The following TNRC6B variants were observed in gnomAD, a reference collection of about 807,000 sequenced individuals.
The protein encoded by TNRC6B is trinucleotide repeat containing adaptor 6B.
TNRC6B carries 52 observed loss-of-function variants against 203.6 expected under a neutral mutation model. The ratio of observed to expected loss-of-function variants is 0.26; its 90% CI spans 0.20 to 0.32. TNRC6B has a LOEUF of 0.32. TNRC6B is among the 10% of genes least tolerant of loss of function. TNRC6B has a pLI of 1.00. For missense variants in TNRC6B, 1,923 were observed against 2,286.2 expected (o/e 0.84, Z 3.24); for synonymous variants, 838 against 845.7 (o/e 0.99, Z 0.16).
Position 40,266,747 on chromosome 22 carries a change from G to T in TNRC6B, c.2517G>T (p.Ser839=). The T allele has an allele frequency of 6.2e-7, 1 of 1,613,860 alleles. No homozygotes were observed. ...PPPPQPEASG[S]WGGPPPPPPG... ...CACCACAACCAGAGGCTTCTGGTTC[G>T]TGGGGAGGCCCACCCCCACCACCTC... The change falls in exon 5 of 23, where the codon TCG becomes TCT. Residue 839 remains serine (S), a synonymous_variant. Coordinates refer to ENST00000454349, the MANE Select transcript of TNRC6B (RefSeq NM_001162501.2).
intron 4 of TNRC6B, among the ~76,000 whole-genome samples, chr22:40,159,828 T>G (rs2068856007): frequency 6.6e-6 from 1 of 152,126 alleles, no homozygotes; most frequent in Non-Finnish European, 1.5e-5. Flanking sequence ...TTCTTTTTTT[T>G]TGAGACAAGG....
At chr22:40,174,300 C>G (rs2069034671), upstream of TNRC6B, among the ~76,000 whole-genome samples, 1 of 152,032 alleles carries the variant, frequency 6.6e-6, no homozygotes, top group African/African-American at 2.4e-5. Flanking sequence ...GAGCCTCAGC[C>G]TGCTGAGTAG....
chr22:40,273,651 A>C, intron 7 of TNRC6B, 51 bp downstream of exon 7: 1 of 1,485,992 alleles, frequency 6.7e-7, no homozygotes, highest in Non-Finnish European at 9.0e-7. Context: ...GAGAAGGCAG[A>C]ACTGAGGTTT....
chr22:40,254,454 A>G (rs2070238938), intron 3 of TNRC6B, among the ~76,000 whole-genome samples: 1 of 152,166 alleles, frequency 6.6e-6, no homozygotes, highest in Admixed American at 6.6e-5. Context: ...CAGGAGTTCA[A>G]GGCTGCAGTG....
intron 4 of TNRC6B, among the ~76,000 whole-genome samples, chr22:40,264,141 G>A (rs1475581069): frequency 1.3e-5 from 2 of 152,232 alleles, no homozygotes; most frequent in East Asian, 1.9e-4. Context: ...GAAGGCACAA[G>A]TTGTGGAATG....
upstream of TNRC6B, among the ~76,000 whole-genome samples, chr22:40,176,379 G>T (rs1254813571): frequency 6.6e-6 from 1 of 151,924 alleles, no homozygotes; most frequent in African/African-American, 2.4e-5. Flanking sequence ...TGCCTGCCTC[G>T]GCCTCCCAAA....
intron 1 of TNRC6B, among the ~76,000 whole-genome samples, chr22:40,098,911 ATG>A (rs1468953260): frequency 6.6e-6 from 1 of 151,756 alleles, no homozygotes; most frequent in African/African-American, 2.4e-5. Context: ...TTTTAAATTG[ATG>A]TGTTTGATTT....
chr22:40,189,044 A>G (rs1045543424), intron 1 of TNRC6B, among the ~76,000 whole-genome samples: 1 of 152,144 alleles, frequency 6.6e-6, no homozygotes, highest in African/African-American at 2.4e-5. Flanking sequence ...AGAATCATTT[A>G]TCAGTCCCAC....
At chr22:40,175,969 T>C (rs1042964498), upstream of TNRC6B, among the ~76,000 whole-genome samples, 1 of 152,156 alleles carries the variant, frequency 6.6e-6, no homozygotes, top group African/African-American at 2.4e-5. Flanking sequence ...CATTCGTAGG[T>C]TCCTTTTCAA....
At chr22:40,257,414 T>C (rs1291217335) in intron 3 of TNRC6B, among the ~76,000 whole-genome samples, 1 of 152,108 alleles carries the variant, frequency 6.6e-6, no homozygotes, top group Non-Finnish European at 1.5e-5. Flanking sequence ...CGTAAATGGT[T>C]CTTAAAAGAA....
chr22:40,176,741 G>C (rs771380244), upstream of TNRC6B, among the ~76,000 whole-genome samples: 2 of 152,174 alleles, frequency 1.3e-5, no homozygotes, highest in Non-Finnish European at 2.9e-5. Context: ...TTGCAATTAT[G>C]ACCATTGCTC....
chr22:40,249,030 G>A (rs530623559), intron 2 of TNRC6B, among the ~76,000 whole-genome samples: 2 of 152,294 alleles, frequency 1.3e-5, no homozygotes, highest in East Asian at 1.9e-4. Context: ...GCAAAGAATC[G>A]TGGAGAACGT....
intron 3 of TNRC6B, among the ~76,000 whole-genome samples, chr22:40,141,634 C>G (rs1004246406): frequency 7.2e-5 from 11 of 152,136 alleles, no homozygotes; most frequent in African/African-American, 2.7e-4. Flanking sequence ...TAAAAATTCA[C>G]TGGTTCTCCC....
At position 40,264,915 on chromosome 22, in the gene TNRC6B, A is replaced by G; in HGVS notation, c.685A>G (p.Ser229Gly). ...NSASNPGSEK[S>G]TLPGSTTSNK... The stretch of plus-strand genomic sequence containing the variant: ...TGCCTCGAACCCTGGCTCTGAGAAG[A>G]GCACTCTGCCAGGAAGCACCACTAG... The change falls in exon 5 of 23, where the codon AGC becomes GGC. Residue 229 changes from serine (S) to glycine (G), a missense_variant. Transcript: ENST00000454349. 6.2e-7 allele frequency: 1 copy of G among 1,613,960 alleles called. No individual in the cohort carries two copies. The highest frequency in any genetic ancestry group is 2.2e-5 in the East Asian group (1 of 44,886).
At chr22:40,063,811 T>C (rs1214153911) in intron 1 of TNRC6B, among the ~76,000 whole-genome samples, 1 of 152,170 alleles carries the variant, frequency 6.6e-6, no homozygotes, top group African/African-American at 2.4e-5. Context: ...CAAGTGATCT[T>C]TCTGCTTCAA....
At chr22:40,303,084 C>T (rs2071046052) in intron 15 of TNRC6B, among the ~76,000 whole-genome samples, 1 of 127,222 alleles carries the variant, frequency 7.9e-6, no homozygotes, top group South Asian at 2.6e-4. Context: ...GAGTCTCACT[C>T]TGTCGCCCAA....
chr22:40,255,244 G>T (rs2146483956), intron 3 of TNRC6B, among the ~76,000 whole-genome samples: 1 of 152,342 alleles, frequency 6.6e-6, no homozygotes, highest in East Asian at 1.9e-4. Flanking sequence ...ACAGGGAAAA[G>T]CTTCTAGCTC....
chr22:40,049,109 C>T lies in TNRC6B; in HGVS notation c.-121+4111C>T, dbSNP rs930946927. Among the ~76,000 whole-genome samples the T allele has an allele frequency of 3.9e-5, 6 of 151,982 alleles. 1 individual carries two copies. The South Asian group carries it at 8.3e-4, about 21-fold the overall frequency. On this transcript the variant is annotated intron_variant, in intron 1 of 23. Coordinates refer to the TNRC6B transcript ENST00000301923. ...ACATTTATACACTGCTGGCTGGGCG[C>T]GGTGGCTAACACCTGTAATCCCAGC...
chr22:40,189,740 A>C (rs738450), intron 1 of TNRC6B, among the ~76,000 whole-genome samples: 1 of 151,952 alleles, frequency 6.6e-6, no homozygotes, highest in Admixed American at 6.6e-5. Context: ...ACTGGAATTG[A>C]GTGTTTCCCA....
Sources: allele counts gnomAD v4.1 joint callset (sites outside exome capture counted in the v4.1 genomes callset), GRCh38; gene constraint gnomAD v4.1.1; transcripts MANE v1.5; gene names NCBI Gene and HGNC (gene_info 2026-07-23, HGNC 2026-07-21).